MKLN1: variants seen among roughly 807,000 people sequenced by gnomAD.
MKLN1 encodes muskelin 1.
A neutral mutation model predicts 99.0 loss-of-function variants in MKLN1; 18 were observed. The observed-to-expected ratio is 0.18, with a 90% CI of 0.13 to 0.27. MKLN1 has a LOEUF of 0.27. MKLN1 is among the 10% of genes least tolerant of loss of function. MKLN1 has a pLI of 1.00. For missense variants in MKLN1, 621 were observed against 875.9 expected (o/e 0.71, Z 3.67); for synonymous variants, 288 against 293.2 (o/e 0.98, Z 0.18).
intron 1 of MKLN1, among the ~76,000 whole-genome samples, chr7:131,340,906 A>G (rs1223229232): frequency 6.6e-6 from 1 of 152,060 alleles, no homozygotes; most frequent in East Asian, 1.9e-4. Context: ...TCTAGGGTGG[A>G]GGTATTATAT....
chr7:131,286,678 T>C lies in MKLN1; in HGVS notation c.-179+83704T>C, dbSNP rs142577161. Among the ~76,000 whole-genome samples the C allele has an allele frequency of 6.8e-3, 1,040 of 152,354 alleles. 12 individuals are homozygous for C. Among genetic ancestry groups the C allele is most frequent in the African/African-American group, 0.024 (983 of 41,578 alleles). On this transcript the variant is annotated intron_variant, in intron 3 of 7. Transcript: ENST00000416992. ...GTACTGTGCTAAGATTTTTATGGGC[T>C]ACAAAGATGTACAAGACAAGGTTCT... is the stretch of plus-strand genomic sequence containing the variant.
chr7:131,167,474 C>T (rs551956390), intron 2 of MKLN1, among the ~76,000 whole-genome samples: 1 of 152,034 alleles, frequency 6.6e-6, no homozygotes, highest in African/African-American at 2.4e-5. Flanking sequence ...GAGTTCAAGA[C>T]CAGCCTAGGG....
At chr7:131,484,582 C>A (rs146480213) in intron 17 of MKLN1, among the ~76,000 whole-genome samples, 6 of 152,104 alleles carry the variant, frequency 3.9e-5, no homozygotes, top group African/African-American at 1.2e-4. Context: ...ATAATTTGAT[C>A]TCAAGAAAAT....
Position 131,488,876 on chromosome 7 carries a change from C to A in MKLN1, c.*1148C>A, listed in dbSNP as rs1040849385. Reference sequence around the variant, plus strand: ...TTTTTCATTAAAAAACAAGGTATGGCAGATGGACTTTTCCATGGGTCAAAT... The same window carrying A: ...TTTTTCATTAAAAAACAAGGTATGGAAGATGGACTTTTCCATGGGTCAAAT... On this transcript the variant is annotated 3_prime_UTR_variant, in exon 18 of 18. Coordinates refer to ENST00000352689, the MANE Select transcript of MKLN1 (RefSeq NM_013255.5). The A allele has an allele frequency of 6.6e-6, 1 of 152,240 alleles. No homozygotes were observed. The highest frequency in any genetic ancestry group is 2.1e-4 in the South Asian group (1 of 4,820). The allele number at this position is 152,240 out of a possible 1,614,324, so 9.4% of individuals were successfully genotyped here.
chr7:131,227,495 C>CTCTCTCTTTCTT (rs1554539894), intron 3 of MKLN1, among the ~76,000 whole-genome samples: 12 of 115,786 alleles, frequency 1.0e-4, no homozygotes, highest in Admixed American at 4.1e-4. Flanking sequence ...CTCTTTCTTT[C>CTCTCTCTTTCTT]TCTTTCTTTC....
chr7:131,251,092 G>GAC (rs1797570210), intron 3 of MKLN1, among the ~76,000 whole-genome samples: 1 of 116,240 alleles, frequency 8.6e-6, no homozygotes, highest in Non-Finnish European at 1.9e-5. Context: ...ATGGGGCCCA[G>GAC]ATGTGTGTGT....
At chr7:131,234,423 C>T (rs530584271) in intron 3 of MKLN1, among the ~76,000 whole-genome samples, 1 of 152,110 alleles carries the variant, frequency 6.6e-6, no homozygotes. Context: ...TCCCTGCTTC[C>T]TAGGCTTCCA....
intron 3 of MKLN1, among the ~76,000 whole-genome samples, chr7:131,298,758 G>C (rs1052624187): frequency 1.3e-5 from 2 of 152,132 alleles, no homozygotes; most frequent in Admixed American, 6.6e-5. Flanking sequence ...GTGAATGCTG[G>C]ACTACCCACT....
At chr7:131,460,503 T>C (rs1796484486) in intron 12 of MKLN1, among the ~76,000 whole-genome samples, 1 of 152,240 alleles carries the variant, frequency 6.6e-6, no homozygotes, top group Non-Finnish European at 1.5e-5. Flanking sequence ...GTTGGGAACA[T>C]ATATGATTAA....
intron 1 of MKLN1, among the ~76,000 whole-genome samples, chr7:131,363,577 G>A (rs1298854805): frequency 6.6e-6 from 1 of 151,962 alleles, no homozygotes; most frequent in Admixed American, 6.6e-5. Context: ...GCCTGAGAAG[G>A]ATGTGTTATC....
rs568111592 is a variant in MKLN1, at chr7:131,139,258, G to A, written c.-418-3562G>A. 1.8e-4 allele frequency among the ~76,000 whole-genome samples: 27 copies of A among 152,126 alleles called. No homozygotes were observed. The East Asian group carries it at 4.6e-3, about 26-fold the overall frequency. On this transcript the variant is annotated intron_variant, in intron 1 of 7. Transcript: ENST00000416992. ...AGGGTAACAGAGAGCCGGTGGTGAG[G>A]GACCCATCCGTACAGCATCATTGTG...
At chr7:131,399,189 A>AGTAT (rs1794453705) in intron 5 of MKLN1, 52 bp from the exon 6 acceptor site, 1 of 1,455,012 alleles carries the variant, frequency 6.9e-7, no homozygotes, top group Admixed American at 1.7e-5. Context: ...TGTTTCCTAC[A>AGTAT]GTATCATCTA....
At chr7:131,130,501 T>A (rs1795532920) in intron 1 of MKLN1, among the ~76,000 whole-genome samples, 1 of 152,224 alleles carries the variant, frequency 6.6e-6, no homozygotes, top group African/African-American at 2.4e-5. Context: ...TTCACAGAAG[T>A]GGAGCCTGAG....
chr7:131,181,404 A>G (rs1796375184), intron 2 of MKLN1, among the ~76,000 whole-genome samples: 1 of 152,232 alleles, frequency 6.6e-6, no homozygotes, highest in South Asian at 2.1e-4. Context: ...AGCTACTAAC[A>G]TCTATTAAAA....
intron 3 of MKLN1, among the ~76,000 whole-genome samples, chr7:131,304,184 G>A (rs113478610): frequency 0.019 from 2,917 of 152,198 alleles, 86 homozygotes; most frequent in African/African-American, 0.066. Flanking sequence ...GACCAGCCTG[G>A]GCAACATAGG....
At chr7:131,162,000 T>TATATATATATAG (rs1491177471) in intron 2 of MKLN1, among the ~76,000 whole-genome samples, 2 of 127,036 alleles carry the variant, frequency 1.6e-5, no homozygotes, top group African/African-American at 5.8e-5. Context: ...TATATATATA[T>TATATATATATAG]GTAACAGAGT....
intron 3 of MKLN1, among the ~76,000 whole-genome samples, chr7:131,237,846 T>C (rs1797346768): frequency 6.6e-6 from 1 of 152,046 alleles, no homozygotes; most frequent in Non-Finnish European, 1.5e-5. Flanking sequence ...GGGAGTATCA[T>C]CAAAAATAAC....
At chr7:131,382,637 T>TCC (rs1470928293) in intron 2 of MKLN1, among the ~76,000 whole-genome samples, 1 of 152,144 alleles carries the variant, frequency 6.6e-6, no homozygotes, top group East Asian at 1.9e-4. Context: ...CTTCCTGTTC[T>TCC]CCCCACTCAC....
chr7:131,429,727 C>T lies in MKLN1; in HGVS notation c.960+582C>T, dbSNP rs111447727. Among the ~76,000 whole-genome samples, 1,466 of 152,186 alleles carry T rather than the reference C, an allele frequency of 9.6e-3. 15 individuals carry two copies. The highest frequency in any genetic ancestry group is 0.021 in the Middle Eastern group (6 of 292). On this transcript the variant is annotated intron_variant, in intron 9 of 17. Coordinates refer to ENST00000352689, the MANE Select transcript of MKLN1 (RefSeq NM_013255.5). ...CCAAGTAGCTGGGACTACAGGCGTCCGCCACCACGCCCAGCGAATTTTTTT... is the reference window on the plus strand; with the variant it reads ...CCAAGTAGCTGGGACTACAGGCGTCTGCCACCACGCCCAGCGAATTTTTTT...
Sources: gnomAD v4.1 joint callset for allele counts (sites outside exome capture counted in the v4.1 genomes callset) on GRCh38, gnomAD v4.1.1 for gene constraint, MANE v1.5 for transcripts, NCBI Gene and HGNC (gene_info 2026-07-23, HGNC 2026-07-21) for gene names.